Variants in LDLRAD4 observed in about 807,000 individuals in gnomAD.
LDLRAD4 encodes the protein low-density lipoprotein receptor class A domain-containing protein 4.
LDLRAD4 carries 5 observed loss-of-function variants against 17.0 expected under a neutral mutation model. The ratio of observed to expected loss-of-function variants is 0.29; its 90% CI spans 0.15 to 0.62. The LOEUF is 0.62. LDLRAD4 is among the 20% of genes least tolerant of loss of function. LDLRAD4 has a pLI of 0.84. For missense variants in LDLRAD4, 340 were observed against 424.7 expected (o/e 0.80, Z 1.75); for synonymous variants, 168 against 171.8 (o/e 0.98, Z 0.17).
At position 13,459,940 on chromosome 18, in the gene LDLRAD4, C is replaced by T. The variant is rs563983262; in HGVS notation, c.181+21556C>T. ...TCAAGGTAAGCATACCCTAAGTTTCCGCTCAAGGTCATACCCTGGCTCCAG... is the reference window on the plus strand; with the variant it reads ...TCAAGGTAAGCATACCCTAAGTTTCTGCTCAAGGTCATACCCTGGCTCCAG... On this transcript the variant is annotated intron_variant, in intron 3 of 5. Coordinates refer to ENST00000359446, the Ensembl canonical transcript of LDLRAD4. 90 of 154,114 alleles carry T rather than the reference C, an allele frequency of 5.8e-4. 1 individual carries two copies. In the South Asian group the frequency reaches 7.7e-3, roughly 13 times the overall value. 9.5% of individuals were successfully genotyped at this position (154,114 alleles called of 1,614,324 possible).
intron 3 of LDLRAD4, among the ~76,000 whole-genome samples, chr18:13,545,786 G>T (rs947826327): frequency 2.0e-5 from 3 of 152,192 alleles, no homozygotes; most frequent in African/African-American, 7.2e-5. Flanking sequence ...TCACAGTGGG[G>T]TGGAGCCTTC....
chr18:13,393,088 G>A (rs933858972), intron 2 of LDLRAD4, among the ~76,000 whole-genome samples: 8 of 151,892 alleles, frequency 5.3e-5, no homozygotes, highest in South Asian at 2.1e-4. Context: ...AGCTCCCGGC[G>A]TGCCCTTCCC....
At chr18:13,434,754 T>G (rs2090549036) in intron 2 of LDLRAD4, among the ~76,000 whole-genome samples, 1 of 152,250 alleles carries the variant, frequency 6.6e-6, no homozygotes, top group African/African-American at 2.4e-5. Flanking sequence ...AAATACCTGC[T>G]TATTTTAAGA....
intron 1 of LDLRAD4, among the ~76,000 whole-genome samples, chr18:13,253,025 G>A (rs952154249): frequency 6.6e-6 from 1 of 152,212 alleles, no homozygotes; most frequent in Non-Finnish European, 1.5e-5. Flanking sequence ...GGTCCAGGGT[G>A]CAGGCCTGCT....
At chr18:13,635,892 T>C (rs2042032212) in intron 4 of LDLRAD4, among the ~76,000 whole-genome samples, 1 of 151,638 alleles carries the variant, frequency 6.6e-6, no homozygotes, top group Non-Finnish European at 1.5e-5. Context: ...TAGACTAACG[T>C]TAGAGTTCCA....
At chr18:13,404,154 A>G (rs2087493202) in intron 2 of LDLRAD4, among the ~76,000 whole-genome samples, 1 of 152,198 alleles carries the variant, frequency 6.6e-6, no homozygotes, top group Non-Finnish European at 1.5e-5. Context: ...CGAATGTCTC[A>G]GAGAGCTGGG....
intron 1 of LDLRAD4, among the ~76,000 whole-genome samples, chr18:13,385,693 G>A (rs1169220167): frequency 6.6e-6 from 1 of 152,176 alleles, no homozygotes; most frequent in Non-Finnish European, 1.5e-5. Flanking sequence ...TTATCTGGCA[G>A]GATAAATTCC....
intron 1 of LDLRAD4, among the ~76,000 whole-genome samples, chr18:13,351,234 T>G (rs2083019218): frequency 6.6e-6 from 1 of 152,198 alleles, no homozygotes; most frequent in South Asian, 2.1e-4. Context: ...GTGGCCATTT[T>G]CATGATATTG....
intron 3 of LDLRAD4, among the ~76,000 whole-genome samples, chr18:13,620,019 G>A (rs1193440534): frequency 6.6e-6 from 1 of 151,992 alleles, no homozygotes; most frequent in East Asian, 1.9e-4. Flanking sequence ...GTGCTGAAGG[G>A]TAGGACATGT....
At chr18:13,423,591 C>T (rs2089674873) in intron 2 of LDLRAD4, 1 of 152,468 alleles carries the variant, frequency 6.6e-6, no homozygotes, top group African/African-American at 2.4e-5. Context: ...GGGCTGAGTC[C>T]ACGAGGCGCT....
At chr18:13,248,213 G>A (rs889807988) in intron 1 of LDLRAD4, among the ~76,000 whole-genome samples, 90 of 152,220 alleles carry the variant, frequency 5.9e-4, no homozygotes, top group African/African-American at 2.0e-3. Context: ...CGCCTGCCTC[G>A]GCCTCCCAAA....
chr18:13,393,658 G>C (rs960473907), intron 2 of LDLRAD4, among the ~76,000 whole-genome samples: 4 of 152,164 alleles, frequency 2.6e-5, no homozygotes, highest in African/African-American at 9.7e-5. Flanking sequence ...CCTCTCTCTA[G>C]TTCTGCCGAT....
chr18:13,384,936 G>A (rs1341235480), intron 1 of LDLRAD4, among the ~76,000 whole-genome samples: 1 of 152,288 alleles, frequency 6.6e-6, no homozygotes, highest in South Asian at 2.1e-4. Context: ...GAATAGTGCC[G>A]AAATGAACAC....
At chr18:13,581,168 G>A in intron 3 of LDLRAD4, among the ~76,000 whole-genome samples, 1 of 152,212 alleles carries the variant, frequency 6.6e-6, no homozygotes, top group East Asian at 1.9e-4. Context: ...ATAATTTTGT[G>A]CATGAAACAA....
intron 3 of LDLRAD4, among the ~76,000 whole-genome samples, chr18:13,485,302 G>A (rs1275027815): frequency 1.3e-5 from 2 of 152,214 alleles, no homozygotes; most frequent in Non-Finnish European, 2.9e-5. Context: ...TGGTAGGAGT[G>A]TAGTTGGTGG....
At chr18:13,336,827 T>G (rs2082125351) in intron 1 of LDLRAD4, among the ~76,000 whole-genome samples, 1 of 152,138 alleles carries the variant, frequency 6.6e-6, no homozygotes, top group African/African-American at 2.4e-5. Context: ...GGCGATTGCC[T>G]CATTAAGTTT....
At chr18:13,422,535 CAAA>C (rs57943534) in intron 2 of LDLRAD4, among the ~76,000 whole-genome samples, 3 of 119,444 alleles carry the variant, frequency 2.5e-5, no homozygotes, top group Non-Finnish European at 3.7e-5. Flanking sequence ...CCATCTCTAC[CAAA>C]AAAAAAAAAA....
At position 13,570,388 on chromosome 18, in the gene LDLRAD4, C is replaced by T. The variant is rs1466527278; in HGVS notation, c.182-50729C>T. Among the ~76,000 whole-genome samples the T allele has an allele frequency of 3.3e-5, 5 of 152,210 alleles. No homozygotes were observed. The South Asian group carries it at 6.2e-4, about 19-fold the overall frequency. On this transcript the variant is annotated intron_variant, in intron 3 of 5. Transcript: ENST00000359446. ...AGGCGGGAGCCCAGACGCCGGTCCACACAGGCAGTTATCAGGGCCAGAGGA... is the reference window on the plus strand; with the variant it reads ...AGGCGGGAGCCCAGACGCCGGTCCATACAGGCAGTTATCAGGGCCAGAGGA...
chr18:13,464,188 A>AC (rs2092540041), intron 3 of LDLRAD4, among the ~76,000 whole-genome samples: 1 of 152,232 alleles, frequency 6.6e-6, no homozygotes, highest in Non-Finnish European at 1.5e-5. Flanking sequence ...CTCTGCATAA[A>AC]CACAACTGTT....
Sources: allele counts gnomAD v4.1 joint callset (sites outside exome capture counted in the v4.1 genomes callset), GRCh38; gene constraint gnomAD v4.1.1; transcripts MANE v1.5; gene names NCBI Gene and HGNC (gene_info 2026-07-23, HGNC 2026-07-21).